The following ARHGAP24 variants were observed in gnomAD, a reference collection of about 807,000 sequenced individuals.
ARHGAP24 encodes Rho GTPase activating protein 24.
In ARHGAP24, 50 loss-of-function variants were observed where a neutral mutation model predicts 76.4. The ratio of observed to expected loss-of-function variants is 0.65; its 90% confidence interval spans 0.52 to 0.83. The LOEUF is 0.83. ARHGAP24 is among the 40% of genes least tolerant of loss of function. The probability of loss-of-function intolerance (pLI) is 0.00; values close to 1 mark genes in which losing one functional copy is unlikely to be tolerated. For synonymous variants in ARHGAP24, 345 were observed against 323.3 expected, an observed-to-expected ratio of 1.07 and a Z score of -0.72; for missense variants, 930 against 914.2, an observed-to-expected ratio of 1.02 and a Z score of -0.22.
At chr4:85,791,025 G>T (rs1234258250) in intron 3 of ARHGAP24, among the ~76,000 whole-genome samples, 2 of 152,130 alleles carry the variant, frequency 1.3e-5, no homozygotes, top group East Asian at 3.9e-4. Flanking sequence ...TGTCACTAAG[G>T]TCTGTAAGAA....
In ARHGAP24 at chr4:85,930,930, G is replaced by C. The variant is rs759353752; in HGVS notation, c.391+7160G>C. 6.2e-6 allele frequency: 10 copies of C among 1,613,822 alleles called. No individual in the cohort carries two copies. In the Admixed American group the frequency reaches 1.7e-4, roughly 27 times the overall value. ...CGGGTTCAGAACTTCAGGCCTGTACGATGCCTGAAGACCGGAATTCTGGGG... is the reference window on the plus strand; with the variant it reads ...CGGGTTCAGAACTTCAGGCCTGTACCATGCCTGAAGACCGGAATTCTGGGG... On this transcript the variant is annotated intron_variant, in intron 4 of 9. Coordinates refer to ENST00000395184, the MANE Select transcript of ARHGAP24 (RefSeq NM_001025616.3).
intron 8 of ARHGAP24, among the ~76,000 whole-genome samples, 166 bp from the exon 9 acceptor site, chr4:85,994,417 T>A (rs1560772646): frequency 6.6e-6 from 1 of 152,180 alleles, no homozygotes; most frequent in Non-Finnish European, 1.5e-5. Context: ...AAGTAAATGC[T>A]CAAGATGTTT....
chr4:85,481,051 A>C (rs971820527), intron 1 of ARHGAP24, among the ~76,000 whole-genome samples: 5 of 152,112 alleles, frequency 3.3e-5, no homozygotes, highest in African/African-American at 7.2e-5. Context: ...CCTCTCCTTG[A>C]ATCTAAGACT....
At chr4:85,866,838 G>T (rs577680413) in intron 3 of ARHGAP24, among the ~76,000 whole-genome samples, 1 of 152,202 alleles carries the variant, frequency 6.6e-6, no homozygotes, top group African/African-American at 2.4e-5. Context: ...TGGTTGGAGG[G>T]AAAGGGAAAT....
At chr4:85,652,876 A>C (rs927043511) in intron 2 of ARHGAP24, among the ~76,000 whole-genome samples, 1 of 152,202 alleles carries the variant, frequency 6.6e-6, no homozygotes, top group African/African-American at 2.4e-5. Context: ...GATTATTGTG[A>C]CAAAAGATTT....
chr4:85,559,749 C>T (rs1726523235), intron 1 of ARHGAP24, among the ~76,000 whole-genome samples: 1 of 152,108 alleles, frequency 6.6e-6, no homozygotes, highest in Non-Finnish European at 1.5e-5. Flanking sequence ...CATCCAACTT[C>T]TTTTCATCTT....
At chr4:85,644,045 A>G (rs1384135) in intron 2 of ARHGAP24, among the ~76,000 whole-genome samples, 45,241 of 151,966 alleles carry the variant, frequency 0.3, 8,145 homozygotes, top group East Asian at 0.84. Flanking sequence ...ATATAGTATG[A>G]TTTTGAGCAA....
intron 3 of ARHGAP24, among the ~76,000 whole-genome samples, chr4:85,807,818 G>T (rs72978870): frequency 1.3e-5 from 2 of 152,090 alleles, no homozygotes; most frequent in Non-Finnish European, 2.9e-5. Flanking sequence ...TTCAAGCACC[G>T]CTATTCCAAG....
At position 85,956,719 on chromosome 4, in the gene ARHGAP24, G is replaced by A. The variant is rs561725080; in HGVS notation, c.599+14446G>A. 7.2e-5 allele frequency among the ~76,000 whole-genome samples: 11 copies of A among 152,296 alleles called. No homozygotes were observed. The East Asian group carries it at 1.9e-3, about 27-fold the overall frequency. ...ACAATGGCAAGCCTTTAGCCCGATC[G>A]GGAGGGGCAATGGACGCCTCGCTGA... On this transcript the variant is annotated intron_variant, in intron 5 of 9. Transcript: ENST00000395184.
chr4:85,713,429 A>T (rs1245598483), intron 2 of ARHGAP24, among the ~76,000 whole-genome samples: 1 of 152,210 alleles, frequency 6.6e-6, no homozygotes, highest in Admixed American at 6.5e-5. Context: ...AATAAAAATC[A>T]TCTATAACCT....
intron 3 of ARHGAP24, among the ~76,000 whole-genome samples, chr4:85,824,001 C>T (rs750798186): frequency 1.7e-4 from 26 of 151,970 alleles, no homozygotes; most frequent in Non-Finnish European, 2.6e-4. Context: ...GTACATCTTT[C>T]CCATCTAGAA....
intron 2 of ARHGAP24, among the ~76,000 whole-genome samples, chr4:85,653,438 A>G (rs1301179612): frequency 1.3e-5 from 2 of 151,968 alleles, no homozygotes; most frequent in Admixed American, 1.3e-4. Flanking sequence ...CCAGTATATC[A>G]TTTACCAAAT....
At chr4:85,735,839 T>C (rs760216403) in intron 3 of ARHGAP24, among the ~76,000 whole-genome samples, 1 of 152,208 alleles carries the variant, frequency 6.6e-6, no homozygotes, top group Non-Finnish European at 1.5e-5. Flanking sequence ...AAAAAGTACA[T>C]AGAGCTCCCA....
intron 3 of ARHGAP24, among the ~76,000 whole-genome samples, chr4:85,871,930 G>A (rs1466283595): frequency 6.6e-6 from 1 of 151,424 alleles, no homozygotes. Context: ...AAGAAGAAAT[G>A]GTTTTCATTT....
chr4:85,874,216 A>C (rs1732695846), intron 3 of ARHGAP24, among the ~76,000 whole-genome samples: 1 of 152,192 alleles, frequency 6.6e-6, no homozygotes, highest in Non-Finnish European at 1.5e-5. Context: ...ACCATCAGTC[A>C]GTCCTTCGCA....
chr4:85,547,744 A>G (rs2110126841), intron 1 of ARHGAP24, among the ~76,000 whole-genome samples: 1 of 152,270 alleles, frequency 6.6e-6, no homozygotes, highest in Non-Finnish European at 1.5e-5. Flanking sequence ...CTGGCAATGT[A>G]AACTTTGATC....
chr4:85,514,108 T>A (rs1578195586), intron 1 of ARHGAP24, among the ~76,000 whole-genome samples: 1 of 152,116 alleles, frequency 6.6e-6, no homozygotes, highest in East Asian at 1.9e-4. Flanking sequence ...ATGAAGCAAA[T>A]TTTTCTCTTT....
At chr4:85,681,248 A>T (rs1723191965) in intron 2 of ARHGAP24, among the ~76,000 whole-genome samples, 1 of 152,162 alleles carries the variant, frequency 6.6e-6, no homozygotes, top group African/African-American at 2.4e-5. Context: ...AGCCCAGCTG[A>T]CTCCAGCATA....
chr4:85,812,089 T>C (rs1303229463), intron 3 of ARHGAP24, among the ~76,000 whole-genome samples: 1 of 152,060 alleles, frequency 6.6e-6, no homozygotes, highest in African/African-American at 2.4e-5. Flanking sequence ...GACAGGAGAA[T>C]TGCTTGAACT....
Sources: gnomAD v4.1 joint callset for allele counts (sites outside exome capture counted in the v4.1 genomes callset) on GRCh38, gnomAD v4.1.1 for gene constraint, MANE v1.5 for transcripts, NCBI Gene and HGNC (gene_info 2026-07-23, HGNC 2026-07-21) for gene names.